Variants in NSL1 observed in about 807,000 individuals in gnomAD.
The protein encoded by NSL1 is NSL1 component of MIS12 kinetochore complex.
In NSL1, 11 loss-of-function variants were observed where a neutral mutation model predicts 25.4. The ratio of observed to expected loss-of-function variants is 0.43; its 90% confidence interval spans 0.27 to 0.72. The LOEUF (loss-of-function observed/expected upper bound fraction) is 0.72, where lower values mean the gene tolerates loss of function less well. Among genes scored for constraint, NSL1 ranks in the 30% least tolerant of loss-of-function variants. NSL1 has a pLI of 0.19. For synonymous variants in NSL1, 118 were observed against 120.6 expected (o/e 0.98, Z 0.14); for missense variants, 330 against 342.7 (o/e 0.96, Z 0.29).
Position 212,760,658 on chromosome 1 carries a change from G to A in NSL1, c.500-21057C>T, listed in dbSNP as rs746706651. ...TGTGCTTGCTGCCTGGGGGCCTGAC[G>A]GTTGACCCGCCACTGCTACTGCCAT... On this transcript the variant is annotated intron_variant, in intron 4 of 5. Transcript: ENST00000366977. The surrounding 1 kb of genome is among the most constrained non-coding windows in gnomAD (Gnocchi z 4.3). 1.6e-4 allele frequency among the ~76,000 whole-genome samples: 25 copies of A among 152,088 alleles called. No individual in the cohort carries two copies. The highest frequency in any genetic ancestry group is 2.6e-4 in the Non-Finnish European group (18 of 67,974).
chr1:212,728,790 T>C lies in NSL1; in HGVS notation c.*9618A>G. ...TCTCGCAGCTTCTCCCTTCTGTTTT[T>C]CCTCTCACTCTGACTCGAGGAGGGC... On this transcript the variant is annotated 3_prime_UTR_variant, in exon 6 of 6. Transcript: ENST00000366977. The C allele has an allele frequency of 7.1e-6, 7 of 985,382 alleles. No individual in the cohort carries two copies. Among genetic ancestry groups the C allele is most frequent in the Non-Finnish European group, 8.4e-6 (7 of 829,924 alleles). The allele number at this position is 985,382 out of a possible 1,614,324, so 61.0% of individuals were successfully genotyped here. A position where few individuals can be genotyped will look rare whatever the true frequency, so the allele number is the denominator to read the frequency against.
rs183604050 is a variant in NSL1, at chr1:212,773,141, C to A, written c.499+9231G>T. Among the ~76,000 whole-genome samples, 497 of 152,192 alleles carry A rather than the reference C, an allele frequency of 3.3e-3. 2 individuals carry two copies. The highest frequency in any genetic ancestry group is 8.1e-3 in the Admixed American group (124 of 15,274). On this transcript the variant is annotated intron_variant, in intron 4 of 5. Coordinates refer to ENST00000366977, the MANE Select transcript of NSL1 (RefSeq NM_015471.4). ...CTAGGACATCCAGGCAAAGATTTTA[C>A]GGCTAGGACCTCAAAAGCACAGGGA...
Position 212,737,344 on chromosome 1 carries a change from C to G in NSL1, c.*1064G>C. On this transcript the variant is annotated 3_prime_UTR_variant, in exon 6 of 6. Coordinates refer to ENST00000366977, the MANE Select transcript of NSL1 (RefSeq NM_015471.4). Reference sequence around the variant, plus strand: ...TTTATGATTATTAATACATAATAAGCAAGAGAAATACAGATTTTCCAACCT... The same window carrying G: ...TTTATGATTATTAATACATAATAAGGAAGAGAAATACAGATTTTCCAACCT... The G allele has an allele frequency of 1.0e-6, 1 of 984,754 alleles. No individual in the cohort carries two copies. The highest frequency in any genetic ancestry group is 1.2e-6 in the Non-Finnish European group (1 of 829,458). The allele number at this position is 984,754 out of a possible 1,614,324, so 61.0% of individuals were successfully genotyped here. A position where few individuals can be genotyped will look rare whatever the true frequency, so the allele number is the denominator to read the frequency against.
intron 1 of NSL1, among the ~76,000 whole-genome samples, chr1:212,791,233 T>G (rs556722898): frequency 6.6e-6 from 1 of 152,240 alleles, no homozygotes; most frequent in Non-Finnish European, 1.5e-5. Flanking sequence ...ATTTATTGGG[T>G]TAAACAAAAT....
intron 4 of NSL1, among the ~76,000 whole-genome samples, chr1:212,764,691 C>T (rs973320043): frequency 2.0e-5 from 3 of 151,230 alleles, no homozygotes; most frequent in African/African-American, 7.3e-5. Flanking sequence ...ACTAAAAATA[C>T]AAAAATCAGC....
Position 212,757,329 on chromosome 1 carries a change from A to C in NSL1, c.500-17728T>G, listed in dbSNP as rs189109067. Among the ~76,000 whole-genome samples, 209 of 152,308 alleles carry C rather than the reference A, an allele frequency of 1.4e-3. 1 individual carries two copies. In the South Asian group the frequency reaches 0.027, roughly 20 times the overall value. On this transcript the variant is annotated intron_variant, in intron 4 of 5. Coordinates refer to ENST00000366977, the MANE Select transcript of NSL1 (RefSeq NM_015471.4). ...AGCCACTGGAGGGCCTTCAACAGGG[A>C]GTGACATAATCTGATTATGCTTTAA...
In NSL1 at chr1:212,731,540, T is replaced by G. The variant is rs989049215; in HGVS notation, c.*6868A>C. 1 of 985,152 alleles carries G rather than the reference T, an allele frequency of 1.0e-6. No individual in the cohort carries two copies. Among genetic ancestry groups the G allele is most frequent in the Non-Finnish European group, 1.2e-6 (1 of 829,782 alleles). The allele number at this position is 985,152 out of a possible 1,614,324, so 61.0% of individuals were successfully genotyped here. A position where few individuals can be genotyped will look rare whatever the true frequency, so the allele number is the denominator to read the frequency against. On this transcript the variant is annotated 3_prime_UTR_variant, in exon 6 of 6. Transcript: ENST00000366977. ...AATTTATTTTCCCTTAATTACTATATGCATTTAATTTTAAAAATCAAATCT... is the reference window on the plus strand; with the variant it reads ...AATTTATTTTCCCTTAATTACTATAGGCATTTAATTTTAAAAATCAAATCT...
intron 4 of NSL1, among the ~76,000 whole-genome samples, chr1:212,771,924 C>A (rs778861220): frequency 6.6e-6 from 1 of 152,284 alleles, no homozygotes; most frequent in Non-Finnish European, 1.5e-5. Flanking sequence ...TCCCATAATT[C>A]CCACATATTA....
intron 4 of NSL1, among the ~76,000 whole-genome samples, chr1:212,745,160 CTATATATATATATAT>C (rs1334171641): frequency 6.8e-5 from 8 of 117,708 alleles, no homozygotes; most frequent in East Asian, 2.6e-4. Context: ...AACAAACAAA[CTATATATATATATAT>C]ATATATATAT....
rs17019676 is a variant in NSL1, at chr1:212,754,460, C to T, written c.500-14859G>A. Among the ~76,000 whole-genome samples, 520 of 152,048 alleles carry T rather than the reference C, an allele frequency of 3.4e-3. 2 individuals are homozygous for T. Among genetic ancestry groups the T allele is most frequent in the African/African-American group, 0.012 (498 of 41,470 alleles). On this transcript the variant is annotated intron_variant, in intron 4 of 5. Transcript: ENST00000366977. Reference sequence around the variant, plus strand: ...GAGGGCTGAGACAGAGTTTACCCACCCTGAAAAGGTGGCTGAAAAAAACTG... The same window carrying T: ...GAGGGCTGAGACAGAGTTTACCCACTCTGAAAAGGTGGCTGAAAAAAACTG...
Position 212,784,424 on chromosome 1 carries a change from T to C in NSL1, c.383A>G (p.Gln128Arg). ...ACATTCCAGGATCTTTCTGGGATACTGCTTACGTTTTGTGGCTATATCTAC... is the reference window on the plus strand; with the variant it reads ...ACATTCCAGGATCTTTCTGGGATACCGCTTACGTTTTGTGGCTATATCTAC... Reference protein sequence around the residue: ...IIVDIATKRKQYPRKILECVI... With the variant: ...IIVDIATKRKRYPRKILECVI... Residue 128 changes from glutamine to arginine, a missense_variant, in exon 3 of 6, where the codon CAG becomes CGG. By Grantham distance (43) the Gln-to-Arg change is conservative. Transcript: ENST00000366977. 6.3e-7 allele frequency: 1 copy of C among 1,599,878 alleles called. No homozygotes were observed. Among genetic ancestry groups the C allele is most frequent in the Non-Finnish European group, 8.6e-7 (1 of 1,169,290 alleles).
Position 212,738,689 on chromosome 1 carries a change from T to TCAAA in NSL1, c.568-7_568-4dup, listed in dbSNP as rs748463408. 3 of 1,609,728 alleles carry TCAAA rather than the reference T, an allele frequency of 1.9e-6. No homozygotes were observed. Among genetic ancestry groups the TCAAA allele is most frequent in the South Asian group, 1.1e-5 (1 of 90,898 alleles). ...TGTTCAATTAATGCAGGCAAGGACT[T>TCAAA]CAAACAAACAAACAGTAATATTCAA... On this transcript the variant is annotated splice_polypyrimidine_tract_variant and splice_region_variant and intron_variant, in intron 5 of 5. Transcript: ENST00000366977.
rs575657713 is a variant in NSL1, at chr1:212,738,033, T to G, written c.*375A>C. On this transcript the variant is annotated 3_prime_UTR_variant, in exon 6 of 6. Coordinates refer to ENST00000366977, the MANE Select transcript of NSL1 (RefSeq NM_015471.4). ...TTATACAGCTCTCTCTCTTTTTTTT[T>G]TTTTTCCTAGAAAGATGTATACCAG... is the stretch of plus-strand genomic sequence containing the variant. 7 of 993,826 alleles carry G rather than the reference T, an allele frequency of 7.0e-6. No individual in the cohort carries two copies. In the East Asian group the frequency reaches 7.6e-4, roughly 108 times the overall value. 61.6% of individuals were successfully genotyped at this position (993,826 alleles called of 1,614,324 possible).
chr1:212,730,868 TA>T lies in NSL1; in HGVS notation c.*7539del. On this transcript the variant is annotated 3_prime_UTR_variant, in exon 6 of 6. Transcript: ENST00000366977. ...CCTTCTAAGTTCAATTAATAATGAA[TA>T]TAAATGCCACAAGCCATTAATGTGT... 2 of 985,372 alleles carry T rather than the reference TA, an allele frequency of 2.0e-6. No homozygotes were observed. Among genetic ancestry groups the T allele is most frequent in the South Asian group, 9.4e-5 (2 of 21,282 alleles). The allele number at this position is 985,372 out of a possible 1,614,324, so 61.0% of individuals were successfully genotyped here. A position where few individuals can be genotyped will look rare whatever the true frequency, so the allele number is the denominator to read the frequency against.
At position 212,768,342 on chromosome 1, in the gene NSL1, A is replaced by C. The variant is rs927310335; in HGVS notation, c.499+14030T>G. On this transcript the variant is annotated intron_variant, in intron 4 of 5. Coordinates refer to ENST00000366977, the MANE Select transcript of NSL1 (RefSeq NM_015471.4). ...CTCAAAAAAAAAAAAAAAAAAAAAA[A>C]AACTAAAAGCAGGACTACCATTCGA... Among the ~76,000 whole-genome samples the C allele has an allele frequency of 5.9e-5, 9 of 151,466 alleles. No homozygotes were observed. The East Asian group carries it at 1.7e-3, about 29-fold the overall frequency.
intron 4 of NSL1, 145 bp from the exon 5 acceptor site, chr1:212,739,746 A>G: frequency 2.9e-6 from 2 of 681,652 alleles, no homozygotes; most frequent in Non-Finnish European, 2.5e-6. Flanking sequence ...TCTTTCTCAG[A>G]GTGAGACCAT....
At position 212,732,003 on chromosome 1, in the gene NSL1, T is replaced by C; in HGVS notation, c.*6405A>G. ...TGTACTAATTGCTAATTCCCATCCTTTAGCCTCCCAGTGTAACTGTCCCAA... is the reference window on the plus strand; with the variant it reads ...TGTACTAATTGCTAATTCCCATCCTCTAGCCTCCCAGTGTAACTGTCCCAA... On this transcript the variant is annotated 3_prime_UTR_variant, in exon 6 of 6. Transcript: ENST00000366977. 1 of 984,988 alleles carries C rather than the reference T, an allele frequency of 1.0e-6. No individual in the cohort carries two copies. The highest frequency in any genetic ancestry group is 4.7e-5 in the South Asian group (1 of 21,268). The allele number at this position is 984,988 out of a possible 1,614,324, so 61.0% of individuals were successfully genotyped here. A position where few individuals can be genotyped will look rare whatever the true frequency, so the allele number is the denominator to read the frequency against.
rs934869155 is a variant in NSL1 at position 212,730,916 on chromosome 1, C to T, written c.*7492G>A. On this transcript the variant is annotated 3_prime_UTR_variant, in exon 6 of 6. Coordinates refer to ENST00000366977, the MANE Select transcript of NSL1 (RefSeq NM_015471.4). ...GTGTGAGATTGTGATCCAGGGAAAC[C>T]GACAAGTTAGAAATTTGCAATATGA... 21 of 985,110 alleles carry T rather than the reference C, an allele frequency of 2.1e-5. 1 individual carries two copies. Among genetic ancestry groups the T allele is most frequent in the African/African-American group, 1.7e-4 (10 of 57,164 alleles). The allele number at this position is 985,110 out of a possible 1,614,324, so 61.0% of individuals were successfully genotyped here.
chr1:212,765,396 T>C (rs763940718), intron 4 of NSL1, among the ~76,000 whole-genome samples: 1 of 152,184 alleles, frequency 6.6e-6, no homozygotes, highest in Non-Finnish European at 1.5e-5. Context: ...CATGATCAAG[T>C]GGGTTTCAAA....
Sources: allele counts gnomAD v4.1 joint callset (sites outside exome capture counted in the v4.1 genomes callset), GRCh38; gene constraint gnomAD v4.1.1; non-coding constraint Gnocchi (gnomAD v3.1); transcripts MANE v1.5; gene names NCBI Gene and HGNC (gene_info 2026-07-23, HGNC 2026-07-21).